BRAP: variants seen among roughly 807,000 people sequenced by gnomAD.
BRAP encodes BRCA1 associated protein, also known as BRCA1-associated protein.
A neutral mutation model predicts 73.4 loss-of-function variants in BRAP; 42 were observed. The ratio of observed to expected loss-of-function variants is 0.57; its 90% CI spans 0.45 to 0.74. The LOEUF (loss-of-function observed/expected upper bound fraction) is 0.74, where lower values mean the gene tolerates loss of function less well. BRAP is among the 30% of genes least tolerant of loss of function. The pLI is 0.00. For missense variants in BRAP, 593 were observed against 751.4 expected, an observed-to-expected ratio of 0.79 and a Z score of 2.46; for synonymous variants, 255 against 267.4, an observed-to-expected ratio of 0.95 and a Z score of 0.45.
chr12:111,644,324 C>T lies in BRAP; in HGVS notation c.1654G>A (p.Glu552Lys), dbSNP rs1233027028. ...TQQKINHLPA[E>K]TRQEIQEGQI... The stretch of plus-strand genomic sequence containing the variant: ...CCCTCCTGGATTTCCTGCCGGGTCT[C>T]GGCAGGCAGATGGTTGATCTTCTGC... Residue 552 changes from glutamate to lysine, a missense_variant, in exon 12 of 12, where the codon GAG (glutamate) becomes AAG (lysine). Physicochemically the swap from Glu to Lys is moderately conservative, Grantham distance 56. Transcript: ENST00000419234. The T allele has an allele frequency of 2.5e-6, 4 of 1,614,004 alleles. No individual in the cohort carries two copies. Among genetic ancestry groups the T allele is most frequent in the Non-Finnish European group, 3.4e-6 (4 of 1,180,030 alleles).
intron 10 of BRAP, among the ~76,000 whole-genome samples, chr12:111,650,862 C>T (rs947329908): frequency 3.3e-5 from 5 of 152,028 alleles, no homozygotes; most frequent in African/African-American, 1.2e-4. Context: ...AAACAATATA[C>T]ATAGACTAAT....
Position 111,685,706 on chromosome 12 carries a change from C to G in BRAP, c.82+5G>C, listed in dbSNP as rs748163826. On this transcript the variant is annotated splice_donor_5th_base_variant and intron_variant, in intron 1 of 11. Transcript: ENST00000419234. ...CAGGGAATGCGGCGAGGCCGCGGGA[C>G]TCACCCGCGGCGCTGAAGCCGAAGC... is the stretch of plus-strand genomic sequence containing the variant. 6.2e-7 allele frequency: 1 copy of G among 1,602,764 alleles called. No individual in the cohort carries two copies. The highest frequency in any genetic ancestry group is 1.1e-5 in the South Asian group (1 of 89,890).
chr12:111,659,049 C>CA (rs1886642038), intron 8 of BRAP, among the ~76,000 whole-genome samples, 158 bp downstream of exon 8: 1 of 152,104 alleles, frequency 6.6e-6, no homozygotes, highest in Non-Finnish European at 1.5e-5. Flanking sequence ...TGATTCAAGA[C>CA]ATTCCTAGAA....
chr12:111,682,191 G>A (rs1887625108), intron 2 of BRAP, among the ~76,000 whole-genome samples: 1 of 152,148 alleles, frequency 6.6e-6, no homozygotes, highest in African/African-American at 2.4e-5. Flanking sequence ...CCATGTTGGA[G>A]ATGTAGTACT....
At chr12:111,646,144 G>A (rs748814142) in intron 11 of BRAP, among the ~76,000 whole-genome samples, 11 of 151,992 alleles carry the variant, frequency 7.2e-5, no homozygotes, top group Non-Finnish European at 1.6e-4. Context: ...AAAACTAGCT[G>A]GGTGTGGTGA....
At chr12:111,677,914 G>A (rs1321109112) in intron 4 of BRAP, among the ~76,000 whole-genome samples, 2 of 152,136 alleles carry the variant, frequency 1.3e-5, no homozygotes, top group Non-Finnish European at 2.9e-5. Flanking sequence ...CCACACTAAA[G>A]CTTCTCTCTG....
At chr12:111,647,622 G>A (rs1037784573) in intron 11 of BRAP, among the ~76,000 whole-genome samples, 1 of 152,128 alleles carries the variant, frequency 6.6e-6, no homozygotes, top group Admixed American at 6.5e-5. Context: ...AAATTAGCCA[G>A]AGGCCAAGCA....
At chr12:111,673,696 G>A (rs993303537) in intron 4 of BRAP, among the ~76,000 whole-genome samples, 1 of 152,148 alleles carries the variant, frequency 6.6e-6, no homozygotes, top group East Asian at 1.9e-4. Flanking sequence ...GCCACCTAGT[G>A]TCCAATACCA....
intron 11 of BRAP, 117 bp from the exon 12 acceptor site, chr12:111,644,679 T>C: frequency 1.0e-5 from 15 of 1,434,350 alleles, no homozygotes; most frequent in Non-Finnish European, 1.4e-5. Flanking sequence ...GACAGACCCC[T>C]TTCTCCCATC....
Position 111,685,699 on chromosome 12 carries a change from C to G in BRAP, c.82+12G>C, listed in dbSNP as rs1887800111. 6.3e-7 allele frequency: 1 copy of G among 1,599,336 alleles called. No homozygotes were observed. Among genetic ancestry groups the G allele is most frequent in the African/African-American group, 1.3e-5 (1 of 74,862 alleles). ...CCGGCTACAGGGAATGCGGCGAGGC[C>G]GCGGGACTCACCCGCGGCGCTGAAG... On this transcript the variant is annotated intron_variant, in intron 1 of 11. Coordinates refer to ENST00000419234, the MANE Select transcript of BRAP (RefSeq NM_006768.5).
chr12:111,660,739 A>G (rs1886717506), intron 6 of BRAP, 64 bp from the exon 7 acceptor site: 1 of 1,443,546 alleles, frequency 6.9e-7, no homozygotes, highest in South Asian at 1.3e-5. Flanking sequence ...TACAGAACCC[A>G]AAAGTCAAAC....
chr12:111,684,477 ATCT>A (rs1434522095), intron 1 of BRAP, among the ~76,000 whole-genome samples: 1 of 152,086 alleles, frequency 6.6e-6, no homozygotes, highest in East Asian at 1.9e-4. Context: ...AACCAAACAC[ATCT>A]TCTTGTAATA....
Position 111,650,041 on chromosome 12 carries a change from A to C in BRAP, c.1313T>G (p.Ile438Ser). 1 of 1,583,002 alleles carries C rather than the reference A, an allele frequency of 6.3e-7. No homozygotes were observed. The highest frequency in any genetic ancestry group is 8.7e-7 in the Non-Finnish European group (1 of 1,152,832). Reference protein sequence around the residue: ...VRIEKDTAEEINNMKTKFKET... With the variant: ...VRIEKDTAEESNNMKTKFKET... Reference sequence around the variant, plus strand: ...TTTAAACTTGGTCTTCATGTTGTTAATCTGAAAGAGCAAAGAGAAATCAGA... The same window carrying C: ...TTTAAACTTGGTCTTCATGTTGTTACTCTGAAAGAGCAAAGAGAAATCAGA... The change falls in exon 11 of 12, where the codon ATT becomes AGT. Residue 438 changes from isoleucine (I) to serine (S), a missense_variant and splice_region_variant. Ile to Ser is a moderately radical substitution (Grantham distance 142). Transcript: ENST00000419234.
At chr12:111,678,555 G>C (rs1012150201) in intron 4 of BRAP, among the ~76,000 whole-genome samples, 1 of 151,608 alleles carries the variant, frequency 6.6e-6, no homozygotes, top group Non-Finnish European at 1.5e-5. Context: ...TACTCAGGAG[G>C]TTGAGGCAGG....
chr12:111,647,135 T>A (rs1034320872), intron 11 of BRAP, among the ~76,000 whole-genome samples: 7 of 152,124 alleles, frequency 4.6e-5, no homozygotes, highest in African/African-American at 1.7e-4. Flanking sequence ...GCAGACATGG[T>A]AGCACACACC....
intron 9 of BRAP, among the ~76,000 whole-genome samples, chr12:111,656,034 CCT>C (rs1886517558): frequency 6.6e-6 from 1 of 152,176 alleles, no homozygotes. Flanking sequence ...TCAGGCACCC[CCT>C]GACTGATAGC....
At chr12:111,651,913 G>GGC in intron 10 of BRAP, among the ~76,000 whole-genome samples, 1 of 151,980 alleles carries the variant, frequency 6.6e-6, no homozygotes, top group Non-Finnish European at 1.5e-5. Flanking sequence ...TAGGATTACA[G>GGC]GCATAAGCCA....
At chr12:111,648,038 G>A (rs1886173914) in intron 11 of BRAP, among the ~76,000 whole-genome samples, 1 of 152,078 alleles carries the variant, frequency 6.6e-6, no homozygotes, top group Non-Finnish European at 1.5e-5. Context: ...AGTGGCTCAA[G>A]GCTGTAATCC....
intron 10 of BRAP, among the ~76,000 whole-genome samples, chr12:111,655,015 C>G (rs1326654583): frequency 6.6e-6 from 1 of 152,182 alleles, no homozygotes; most frequent in East Asian, 1.9e-4. Context: ...GGCCTTCCAT[C>G]TGAGTTTCCA....
Sources: allele counts gnomAD v4.1 joint callset (sites outside exome capture counted in the v4.1 genomes callset), GRCh38; gene constraint gnomAD v4.1.1; transcripts MANE v1.5; gene names NCBI Gene and HGNC (gene_info 2026-07-23, HGNC 2026-07-21).